The following MFF variants were observed in gnomAD, a reference collection of about 807,000 sequenced individuals.
MFF encodes the protein mitochondrial fission factor.
In MFF, 12 loss-of-function variants were observed where a neutral mutation model predicts 36.9. That is an observed-to-expected ratio of 0.33 (90% confidence interval 0.21 to 0.53). The LOEUF (loss-of-function observed/expected upper bound fraction) is 0.53. Ranked by LOEUF, MFF falls within the 20% of genes least tolerant of loss-of-function variation. The probability of loss-of-function intolerance (pLI) is 0.95; values close to 1 mark genes in which losing one functional copy is unlikely to be tolerated. For missense variants in MFF, 348 were observed against 366.6 expected, an observed-to-expected ratio of 0.95 and a Z score of 0.42; for synonymous variants, 99 against 126.2, an observed-to-expected ratio of 0.78 and a Z score of 1.44.
intron 2 of MFF, 24 bp downstream of exon 2, chr2:227,328,813 G>A (rs1178797320): frequency 8.1e-6 from 1 of 123,520 alleles, no homozygotes; most frequent in Admixed American, 7.5e-5. Flanking sequence ...GTCCCTTTTG[G>A]CTTACTTTCT....
At chr2:227,338,117 C>A (rs1237443076) in intron 4 of MFF, among the ~76,000 whole-genome samples, 1 of 151,846 alleles carries the variant, frequency 6.6e-6, no homozygotes. Context: ...CCTGTAATCC[C>A]AGTACTTTGG....
At chr2:227,336,592 G>A (rs546955566) in intron 4 of MFF, among the ~76,000 whole-genome samples, 1 of 152,318 alleles carries the variant, frequency 6.6e-6, no homozygotes, top group African/African-American at 2.4e-5. Context: ...GCTTTATACA[G>A]AAGCCATCAA....
chr2:227,332,427 G>A lies in MFF; in HGVS notation c.190G>A (p.Glu64Lys). 6.2e-7 allele frequency: 1 copy of A among 1,603,414 alleles called. No homozygotes were observed. Among genetic ancestry groups the A allele is most frequent in the Non-Finnish European group, 8.5e-7 (1 of 1,176,722 alleles). Reference protein sequence around the residue: ...PERIVVAGNNEDVSFSRPADL... With the variant: ...PERIVVAGNNKDVSFSRPADL... ...TTCTTGAAAACTCCTAGGAAATAAT[G>A]AAGATGTTTCATTTTCAAGACCAGC... The change falls in exon 4 of 9, where the codon GAA becomes AAA. Residue 64 changes from glutamate (E) to lysine (K), a missense_variant. By Grantham distance (56) the Glu-to-Lys change is moderately conservative. Transcript: ENST00000304593.
chr2:227,333,975 A>G (rs2074797592), intron 4 of MFF, among the ~76,000 whole-genome samples: 1 of 152,242 alleles, frequency 6.6e-6, no homozygotes, highest in African/African-American at 2.4e-5. Flanking sequence ...TACGGGGTTC[A>G]TTCCTGCATT....
At chr2:227,344,139 G>A (rs115792189) in intron 5 of MFF, among the ~76,000 whole-genome samples, 2 of 152,300 alleles carry the variant, frequency 1.3e-5, no homozygotes, top group African/African-American at 4.8e-5. Flanking sequence ...TAAGCATGAG[G>A]TAGAGCTATT....
chr2:227,333,645 A>G (rs535924989), intron 4 of MFF, among the ~76,000 whole-genome samples: 1 of 152,282 alleles, frequency 6.6e-6, no homozygotes, highest in African/African-American at 2.4e-5. Flanking sequence ...CAGAAGATAC[A>G]AAATTCTTTA....
chr2:227,347,512 C>A, intron 6 of MFF, 128 bp downstream of exon 6: 1 of 728,446 alleles, frequency 1.4e-6, no homozygotes. Flanking sequence ...TGATTTGAAA[C>A]AGCTTGCTTT....
In MFF at chr2:227,330,819, C is replaced by A. The variant is rs1474590818; in HGVS notation, c.154C>A (p.Gln52Lys). 2 of 1,614,132 alleles carry A rather than the reference C, an allele frequency of 1.2e-6. No individual in the cohort carries two copies. Among genetic ancestry groups the A allele is most frequent in the Non-Finnish European group, 1.7e-6 (2 of 1,179,964 alleles). Residue 52 changes from glutamine to lysine, a missense_variant, in exon 3 of 9, where the codon CAA becomes AAA. Transcript: ENST00000304593. ...EGVPNASVIM[Q>K]VPERIVVAGN... ...AGTTCCAAATGCTAGTGTGATAATG[C>A]AAGTTCCGGAGAGGATTGTTGTAGC... is the stretch of plus-strand genomic sequence containing the variant.
chr2:227,345,734 T>C (rs1014027129), intron 5 of MFF, among the ~76,000 whole-genome samples: 1 of 152,200 alleles, frequency 6.6e-6, no homozygotes, highest in Non-Finnish European at 1.5e-5. Context: ...ATGCCTGGTA[T>C]GGGTTTTGCC....
intron 6 of MFF, among the ~76,000 whole-genome samples, chr2:227,351,306 G>C (rs1000835424): frequency 1.3e-5 from 2 of 152,060 alleles, no homozygotes; most frequent in African/African-American, 4.8e-5. Flanking sequence ...TATCATCTAG[G>C]CTCCAGAAAT....
intron 7 of MFF, 68 bp from the exon 8 acceptor site, chr2:227,355,609 G>T: frequency 2.3e-6 from 2 of 852,434 alleles, no homozygotes; most frequent in Non-Finnish European, 4.0e-6. Context: ...CACAAAGCAT[G>T]ATGTGGCGTG....
Position 227,329,900 on chromosome 2 carries a change from C to A in MFF, c.-40-726C>A, listed in dbSNP as rs571917461. The stretch of plus-strand genomic sequence containing the variant: ...ACATTTTTATCAGCTTTTGTATTGG[C>A]GGCAACATTCTTTCTACTGCATTAA... On this transcript the variant is annotated intron_variant, in intron 2 of 8. Transcript: ENST00000304593. The A allele has an allele frequency of 8.4e-6, 5 of 598,722 alleles. No homozygotes were observed. In the Admixed American group the frequency reaches 9.9e-5, roughly 12 times the overall value. The allele number at this position is 598,722 out of a possible 1,614,324, so 37.1% of individuals were successfully genotyped here.
chr2:227,338,423 A>G (rs2075169398), intron 4 of MFF, among the ~76,000 whole-genome samples: 1 of 151,932 alleles, frequency 6.6e-6, no homozygotes, highest in East Asian at 1.9e-4. Context: ...GGTGTGAGCC[A>G]CCGTGCCCAA....
intron 1 of MFF, among the ~76,000 whole-genome samples, chr2:227,327,138 T>G (rs2074214786): frequency 6.6e-6 from 1 of 152,118 alleles, no homozygotes; most frequent in Non-Finnish European, 1.5e-5. Context: ...GTTAAAAAAA[T>G]TAACTGTAGC....
chr2:227,336,454 TC>T (rs2075012574), intron 4 of MFF, among the ~76,000 whole-genome samples: 1 of 152,196 alleles, frequency 6.6e-6, no homozygotes, highest in Non-Finnish European at 1.5e-5. Flanking sequence ...ACAAGAATCG[TC>T]AATAGTTAGG....
intron 4 of MFF, among the ~76,000 whole-genome samples, chr2:227,334,185 A>G (rs957768562): frequency 6.6e-6 from 1 of 152,356 alleles, no homozygotes; most frequent in Non-Finnish European, 1.5e-5. Flanking sequence ...TGAGATTGTT[A>G]TGAGAATTAA....
Position 227,347,365 on chromosome 2 carries a change from G to A in MFF, c.580G>A (p.Val194Met), listed in dbSNP as rs995227339. Reference protein sequence around the residue: ...TRRAYQQILDVLDENRRPVLR... With the variant: ...TRRAYQQILDMLDENRRPVLR... The stretch of plus-strand genomic sequence containing the variant: ...TAGGGCATACCAGCAGATCTTGGAT[G>A]TGCTGGATGAAAATCGCAGGTGATT... The change falls in exon 6 of 9, where the codon GTG (valine) becomes ATG (methionine). Residue 194 changes from valine to methionine, a missense_variant. Transcript: ENST00000304593. 5 of 1,613,456 alleles carry A rather than the reference G, an allele frequency of 3.1e-6. No homozygotes were observed. The highest frequency in any genetic ancestry group is 1.3e-5 in the African/African-American group (1 of 74,884).
Position 227,329,815 on chromosome 2 carries a change from T to C in MFF, c.-40-811T>C, listed in dbSNP as rs909139384. 2.1e-6 allele frequency: 3 copies of C among 1,444,696 alleles called. No individual in the cohort carries two copies. In the African/African-American group the frequency reaches 6.1e-5, roughly 29 times the overall value. 89.5% of individuals were successfully genotyped at this position (1,444,696 alleles called of 1,614,324 possible). ...GAAATTTTATTCAGTTGAGCTGGTATTATAGGTTTGAGAGACAATGGCTTT... is the reference window on the plus strand; with the variant it reads ...GAAATTTTATTCAGTTGAGCTGGTACTATAGGTTTGAGAGACAATGGCTTT... On this transcript the variant is annotated intron_variant, in intron 2 of 8. Coordinates refer to ENST00000304593, the MANE Select transcript of MFF (RefSeq NM_001277062.2).
intron 4 of MFF, among the ~76,000 whole-genome samples, chr2:227,338,499 CACTA>C (rs1422856356): frequency 2.0e-5 from 3 of 152,068 alleles, no homozygotes; most frequent in Non-Finnish European, 4.4e-5. Flanking sequence ...TTAATTCACA[CACTA>C]TTTGTTTTTT....
Sources: gnomAD v4.1 joint callset for allele counts (sites outside exome capture counted in the v4.1 genomes callset) on GRCh38, gnomAD v4.1.1 for gene constraint, MANE v1.5 for transcripts, NCBI Gene and HGNC (gene_info 2026-07-23, HGNC 2026-07-21) for gene names.